Variants in CHCHD3 observed in about 807,000 individuals in gnomAD.
CHCHD3 encodes coiled-coil-helix-coiled-coil-helix domain containing 3.
CHCHD3 carries 20 observed loss-of-function variants against 38.2 expected under a neutral mutation model. That is an observed-to-expected ratio of 0.52 (90% CI 0.37 to 0.76). CHCHD3 has a LOEUF of 0.76. CHCHD3 is among the 30% of genes least tolerant of loss of function. The pLI, the probability that CHCHD3 is intolerant of heterozygous loss-of-function variation, is 0.00. For missense variants in CHCHD3, 245 were observed against 279.2 expected (o/e 0.88, Z 0.87); for synonymous variants, 82 against 100.0 (o/e 0.82, Z 1.07).
intron 4 of CHCHD3, among the ~76,000 whole-genome samples, chr7:132,956,814 T>C (rs555878961): frequency 6.6e-6 from 1 of 152,322 alleles, no homozygotes; most frequent in South Asian, 2.1e-4. Flanking sequence ...CATTAATCTT[T>C]GCCCAGCCAC....
intron 6 of CHCHD3, among the ~76,000 whole-genome samples, chr7:132,824,469 C>T (rs1466883017): frequency 1.3e-5 from 2 of 152,010 alleles, no homozygotes; most frequent in Admixed American, 6.6e-5. Flanking sequence ...CAGGTGCCCG[C>T]CACCACGCCA....
chr7:133,064,100 A>C (rs1814600757), intron 2 of CHCHD3, among the ~76,000 whole-genome samples: 1 of 152,200 alleles, frequency 6.6e-6, no homozygotes, highest in South Asian at 2.1e-4. Context: ...TTAACAGAGG[A>C]GGCGACTAAA....
chr7:132,931,123 A>T (rs968491461), intron 4 of CHCHD3, among the ~76,000 whole-genome samples: 4 of 152,246 alleles, frequency 2.6e-5, no homozygotes, highest in Non-Finnish European at 5.9e-5. Flanking sequence ...AACAAGAGTG[A>T]CAAGTAGGGA....
chr7:133,061,576 C>T (rs867152864), intron 2 of CHCHD3, among the ~76,000 whole-genome samples: 5 of 152,234 alleles, frequency 3.3e-5, no homozygotes, highest in African/African-American at 1.2e-4. Flanking sequence ...CCTGCCAACA[C>T]AGTGAGTACA....
chr7:132,959,980 G>A (rs937664106), intron 4 of CHCHD3, among the ~76,000 whole-genome samples: 49 of 152,168 alleles, frequency 3.2e-4, no homozygotes, highest in Admixed American at 3.2e-3. Flanking sequence ...TGAGAACCAA[G>A]TAACAAACGT....
At chr7:132,857,096 T>C (rs542813652) in intron 5 of CHCHD3, among the ~76,000 whole-genome samples, 1 of 152,304 alleles carries the variant, frequency 6.6e-6, no homozygotes, top group South Asian at 2.1e-4. Context: ...GAACTAATAT[T>C]CCACAAGAAT....
intron 5 of CHCHD3, among the ~76,000 whole-genome samples, chr7:132,840,912 TCA>T (rs141931313): frequency 4.0e-5 from 6 of 149,470 alleles, no homozygotes; most frequent in Non-Finnish European, 7.5e-5. Flanking sequence ...ACACACACAA[TCA>T]CACACACACA....
chr7:132,810,606 G>A (rs924564308), intron 6 of CHCHD3, among the ~76,000 whole-genome samples: 1 of 152,146 alleles, frequency 6.6e-6, no homozygotes, highest in Non-Finnish European at 1.5e-5. Flanking sequence ...TGATTATGAT[G>A]AGTCTCATAC....
intron 7 of CHCHD3, among the ~76,000 whole-genome samples, chr7:132,794,887 A>G (rs531756776): frequency 1.3e-5 from 2 of 152,374 alleles, no homozygotes; most frequent in South Asian, 4.1e-4. Context: ...TGGTAAAAGG[A>G]CAGGGTACAA....
intron 3 of CHCHD3, among the ~76,000 whole-genome samples, chr7:132,997,659 T>TAAAAAAAAAA (rs71178073): frequency 2.0e-4 from 16 of 81,772 alleles, no homozygotes; most frequent in African/African-American, 6.2e-4. Flanking sequence ...AACAGGGTTG[T>TAAAAAAAAAA]AAAAAAAAAA....
Position 132,788,019 on chromosome 7 carries a change from G to A in CHCHD3, c.661-2359C>T, listed in dbSNP as rs1008822732. 1.3e-5 allele frequency among the ~76,000 whole-genome samples: 2 copies of A among 152,116 alleles called. No homozygotes were observed. The highest frequency in any genetic ancestry group is 6.5e-5 in the Admixed American group (1 of 15,280). ...CCCATGTTCGCTGGGAAAATAACAC[G>A]CTGAGCACCCACCATGTAAGAGACA... On this transcript the variant is annotated intron_variant, in intron 7 of 7. Transcript: ENST00000262570. The surrounding 1 kb of genome is among the most constrained non-coding windows in gnomAD (Gnocchi z 4.0).
intron 4 of CHCHD3, among the ~76,000 whole-genome samples, chr7:132,947,553 A>C (rs1431093936): frequency 1.3e-5 from 2 of 152,052 alleles, no homozygotes; most frequent in Admixed American, 1.3e-4. Flanking sequence ...TTCTCTTTTA[A>C]TAAATATCAA....
intron 5 of CHCHD3, among the ~76,000 whole-genome samples, chr7:132,855,705 T>A (rs1808329365): frequency 6.6e-6 from 1 of 152,082 alleles, no homozygotes; most frequent in Non-Finnish European, 1.5e-5. Context: ...TGCTACCAAG[T>A]ACACTAAGAG....
chr7:133,082,025 G>A lies in CHCHD3; in HGVS notation c.-88C>T. The A allele has an allele frequency of 8.1e-7, 1 of 1,233,028 alleles. No homozygotes were observed. Among genetic ancestry groups the A allele is most frequent in the Non-Finnish European group, 1.1e-6 (1 of 904,206 alleles). The allele number at this position is 1,233,028 out of a possible 1,614,324, so 76.4% of individuals were successfully genotyped here. ...ACCCACACGCGCGTGGAAGGGCCTG[G>A]ATTCTTTTCCCGCACAGCGGGAGCA... On this transcript the variant is annotated 5_prime_UTR_variant, in exon 1 of 8. Transcript: ENST00000262570.
At chr7:132,918,344 C>T (rs1810170691) in intron 4 of CHCHD3, among the ~76,000 whole-genome samples, 1 of 152,146 alleles carries the variant, frequency 6.6e-6, no homozygotes, top group African/African-American at 2.4e-5. Flanking sequence ...AGCTAACCAT[C>T]GGACCCTCCT....
At chr7:133,026,372 A>AT (rs1439885984) in intron 2 of CHCHD3, among the ~76,000 whole-genome samples, 1 of 152,162 alleles carries the variant, frequency 6.6e-6, no homozygotes, top group Non-Finnish European at 1.5e-5. Flanking sequence ...GACAAACAAT[A>AT]ACAAGTGTTG....
intron 4 of CHCHD3, among the ~76,000 whole-genome samples, chr7:132,915,025 G>C (rs899734565): frequency 5.9e-5 from 9 of 151,850 alleles, no homozygotes; most frequent in Admixed American, 2.6e-4. Flanking sequence ...AGCCGGGTGT[G>C]GTGGCAGGCG....
At chr7:132,990,590 G>A (rs1373548349) in intron 3 of CHCHD3, among the ~76,000 whole-genome samples, 3 of 152,152 alleles carry the variant, frequency 2.0e-5, no homozygotes, top group East Asian at 1.9e-4. Flanking sequence ...AAAGAGGACC[G>A]TAAGCTATGA....
intron 6 of CHCHD3, among the ~76,000 whole-genome samples, chr7:132,835,518 T>C (rs1379998055): frequency 1.3e-5 from 2 of 152,206 alleles, no homozygotes; most frequent in African/African-American, 2.4e-5. Context: ...TCAGCCATCA[T>C]GATGTCAACG....
Sources: gnomAD v4.1 joint callset for allele counts (sites outside exome capture counted in the v4.1 genomes callset) on GRCh38, gnomAD v4.1.1 for gene constraint, Gnocchi (gnomAD v3.1) non-coding constraint, MANE v1.5 for transcripts, NCBI Gene and HGNC (gene_info 2026-07-23, HGNC 2026-07-21) for gene names.